DCDC1: variants seen among roughly 807,000 people sequenced by gnomAD.
DCDC1 encodes the protein doublecortin domain containing 1.
DCDC1 carries 200 observed loss-of-function variants against 178.3 expected under a neutral mutation model. The observed-to-expected ratio is 1.12, with a 90% CI of 1.00 to 1.26. The LOEUF (loss-of-function observed/expected upper bound fraction) is 1.26. Ranked by LOEUF, DCDC1 falls within the 50% of genes most tolerant of loss-of-function variation. The pLI is 0.00. For missense variants in DCDC1, 1,983 were observed against 1,749.2 expected (o/e 1.13, Z -2.38); for synonymous variants, 690 against 604.8 (o/e 1.14, Z -2.07).
chr11:31,256,850 G>C (rs1387195631), intron 8 of DCDC1, among the ~76,000 whole-genome samples: 1 of 152,142 alleles, frequency 6.6e-6, no homozygotes, highest in East Asian at 1.9e-4. Context: ...TCTTCCAATA[G>C]TCTTGATGTT....
intron 11 of DCDC1, among the ~76,000 whole-genome samples, chr11:31,126,275 T>G (rs1207018601): frequency 6.6e-6 from 1 of 152,186 alleles, no homozygotes; most frequent in African/African-American, 2.4e-5. Context: ...TTTGCAAAAT[T>G]GCAGAATGGA....
At chr11:30,911,519 G>C (rs1019470582) in intron 27 of DCDC1, 99 bp from the exon 28 acceptor site, 2 of 832,158 alleles carry the variant, frequency 2.4e-6, no homozygotes, top group African/African-American at 3.4e-5. Context: ...CTCCATGCAT[G>C]CTCTGTAATA....
chr11:31,133,976 T>C (rs1049970387), intron 10 of DCDC1, among the ~76,000 whole-genome samples: 1 of 152,340 alleles, frequency 6.6e-6, no homozygotes. Flanking sequence ...GTGCTGGGAC[T>C]ACAGGCGTGA....
intron 9 of DCDC1, among the ~76,000 whole-genome samples, chr11:31,143,573 T>TA (rs1252503534): frequency 6.6e-6 from 1 of 152,212 alleles, no homozygotes; most frequent in Admixed American, 6.5e-5. Flanking sequence ...AGCCCAGTCT[T>TA]ACAATGCAGG....
intron 35 of DCDC1, among the ~76,000 whole-genome samples, chr11:30,893,299 C>T (rs1943939560): frequency 6.6e-6 from 1 of 152,238 alleles, no homozygotes; most frequent in Admixed American, 6.5e-5. Flanking sequence ...TATTTTTGGA[C>T]TTTTGCATGA....
In DCDC1 at chr11:31,169,681, C is replaced by T. The variant is rs1177024468; in HGVS notation, c.1222-31897G>A. Among the ~76,000 whole-genome samples the T allele has an allele frequency of 2.6e-5, 4 of 152,142 alleles. No homozygotes were observed. The East Asian group carries it at 5.8e-4, about 22-fold the overall frequency. ...TATTTGCAAGACACTGTACTAGATGCTGAGAGAATTATGAATTCTGCCCTC... is the reference window on the plus strand; with the variant it reads ...TATTTGCAAGACACTGTACTAGATGTTGAGAGAATTATGAATTCTGCCCTC... On this transcript the variant is annotated intron_variant, in intron 9 of 38. Coordinates refer to ENST00000684477, the MANE Select transcript of DCDC1 (RefSeq NM_001387274.1).
chr11:31,151,289 A>C (rs780581163), intron 9 of DCDC1, among the ~76,000 whole-genome samples: 16 of 152,234 alleles, frequency 1.1e-4, no homozygotes, highest in Non-Finnish European at 1.3e-4. Context: ...GATAGTAACA[A>C]ACTGGCAATT....
In DCDC1 at chr11:30,944,959, CTTTTTTTTTT is replaced by C. The variant is rs34334567; in HGVS notation, c.2715+7476_2715+7485del. 2.0e-4 allele frequency among the ~76,000 whole-genome samples: 13 copies of C among 65,508 alleles called. No homozygotes were observed. The East Asian group carries it at 6.5e-3, about 33-fold the overall frequency. The allele number at this position is 65,508 out of a possible 152,430, so 43.0% of individuals were successfully genotyped here. A position where few individuals can be genotyped will look rare whatever the true frequency, so the allele number is the denominator to read the frequency against. On this transcript the variant is annotated intron_variant, in intron 21 of 38. Coordinates refer to ENST00000684477, the MANE Select transcript of DCDC1 (RefSeq NM_001387274.1). ...AATCACAGACCATCAACAAAAATGT[CTTTTTTTTTT>C]TTTTTTTTTTTTTTTTTGAGACGGA...
At chr11:31,208,377 A>T (rs1312649785) in intron 9 of DCDC1, among the ~76,000 whole-genome samples, 1 of 152,192 alleles carries the variant, frequency 6.6e-6, no homozygotes, top group Non-Finnish European at 1.5e-5. Flanking sequence ...AGATTCTTTC[A>T]GGACTATTTC....
At chr11:31,034,590 A>G (rs1953897382) in intron 20 of DCDC1, among the ~76,000 whole-genome samples, 1 of 152,230 alleles carries the variant, frequency 6.6e-6, no homozygotes, top group Non-Finnish European at 1.5e-5. Context: ...AATTGCCTAC[A>G]GGATTCAGTA....
intron 21 of DCDC1, among the ~76,000 whole-genome samples, chr11:30,942,584 C>A (rs939018797): frequency 2.6e-5 from 4 of 152,176 alleles, no homozygotes; most frequent in African/African-American, 2.4e-5. Flanking sequence ...GGGTGTGTAA[C>A]TGTTCTTTTC....
chr11:31,269,001 T>A (rs776526055), intron 7 of DCDC1, among the ~76,000 whole-genome samples: 7 of 152,230 alleles, frequency 4.6e-5, no homozygotes, highest in Non-Finnish European at 1.0e-4. Context: ...CAAACCTTTG[T>A]GCAAGTTTTA....
chr11:31,198,340 A>C (rs1405466393), intron 9 of DCDC1, among the ~76,000 whole-genome samples: 1 of 152,030 alleles, frequency 6.6e-6, no homozygotes, highest in Non-Finnish European at 1.5e-5. Context: ...ACTTGTCTTG[A>C]AGGGGTGATC....
chr11:30,952,569 C>T lies in DCDC1; in HGVS notation c.2592-1G>A, dbSNP rs374110234. The stretch of plus-strand genomic sequence containing the variant: ...GGTTCCTTCATGTTTTATGGCCCAC[C>T]TAAAACAAAAGATAAAAAACAAAAA... On this transcript the variant is annotated splice_acceptor_variant, in intron 20 of 38. Coordinates refer to ENST00000684477, the MANE Select transcript of DCDC1 (RefSeq NM_001387274.1). LOFTEE classifies it high-confidence loss of function. 8.0e-7 allele frequency: 1 copy of T among 1,252,320 alleles called. No individual in the cohort carries two copies. The highest frequency in any genetic ancestry group is 2.0e-5 in the Admixed American group (1 of 49,056). The allele number at this position is 1,252,320 out of a possible 1,614,324, so 77.6% of individuals were successfully genotyped here.
intron 20 of DCDC1, among the ~76,000 whole-genome samples, chr11:30,975,085 T>C (rs1353036527): frequency 1.3e-5 from 2 of 152,054 alleles, no homozygotes; most frequent in Non-Finnish European, 2.9e-5. Flanking sequence ...AATCAATAAA[T>C]TTGATAAAAT....
intron 20 of DCDC1, among the ~76,000 whole-genome samples, chr11:30,953,440 A>G (rs1328572171): frequency 6.6e-6 from 1 of 151,756 alleles, no homozygotes; most frequent in African/African-American, 2.4e-5. Context: ...CTTACAGGAT[A>G]CATGTAGAAT....
At chr11:31,239,254 T>C (rs987881447) in intron 9 of DCDC1, among the ~76,000 whole-genome samples, 4 of 152,056 alleles carry the variant, frequency 2.6e-5, no homozygotes, top group African/African-American at 9.7e-5. Context: ...GAAAAGGCTA[T>C]ACCAAAGGTC....
intron 8 of DCDC1, among the ~76,000 whole-genome samples, chr11:31,253,453 T>C (rs994555248): frequency 2.0e-5 from 3 of 151,482 alleles, no homozygotes; most frequent in African/African-American, 7.3e-5. Flanking sequence ...GCCTTGGAGA[T>C]TTTTTTAAAA....
Position 30,905,021 on chromosome 11 carries a change from T to G in DCDC1, c.4248A>C (p.Ala1416=). ...TACGATACCCATCCCCATTTTTGTA[T>G]GCAATTATTTTCACTGCCTTCTGGT... ...ATHQKAVKII[A]YKNGDGYRNG... Residue 1416 remains alanine, a synonymous_variant, in exon 31 of 39, where the codon GCA becomes GCC. Transcript: ENST00000684477. The G allele has an allele frequency of 6.2e-7, 1 of 1,613,898 alleles. No individual in the cohort carries two copies. Among genetic ancestry groups the G allele is most frequent in the Non-Finnish European group, 8.5e-7 (1 of 1,179,796 alleles).
Sources: gnomAD v4.1 joint callset for allele counts (sites outside exome capture counted in the v4.1 genomes callset) on GRCh38, gnomAD v4.1.1 for gene constraint, MANE v1.5 for transcripts, NCBI Gene and HGNC (gene_info 2026-07-23, HGNC 2026-07-21) for gene names.